The following SGCD variants were observed in gnomAD, a reference collection of about 807,000 sequenced individuals.
SGCD encodes delta-sarcoglycan.
A neutral mutation model predicts 36.6 loss-of-function variants in SGCD; 18 were observed. The ratio of observed to expected loss-of-function variants is 0.49; its 90% CI spans 0.34 to 0.73. The LOEUF (loss-of-function observed/expected upper bound fraction) is 0.73. SGCD is among the 30% of genes least tolerant of loss of function. The pLI, the probability that SGCD is intolerant of heterozygous loss-of-function variation, is 0.01. For missense variants in SGCD, 387 were observed against 346.7 expected, an observed-to-expected ratio of 1.12 and a Z score of -0.92; for synonymous variants, 133 against 130.6, an observed-to-expected ratio of 1.02 and a Z score of -0.12.
At chr5:156,396,328 G>C (rs972152801) in intron 3 of SGCD, among the ~76,000 whole-genome samples, 1 of 152,208 alleles carries the variant, frequency 6.6e-6, no homozygotes, top group Non-Finnish European at 1.5e-5. Flanking sequence ...AAAATATTTC[G>C]ACTGCAATTG....
At chr5:156,264,733 G>T (rs1036013024) in intron 3 of SGCD, among the ~76,000 whole-genome samples, 1 of 152,110 alleles carries the variant, frequency 6.6e-6, no homozygotes, top group Non-Finnish European at 1.5e-5. Context: ...AACCACAACA[G>T]TTTGGGCATG....
rs534832290 is a variant in SGCD, at chr5:156,472,844, A to C, written c.193-35757A>C. On this transcript the variant is annotated intron_variant, in intron 3 of 8. Transcript: ENST00000337851. ...TACAGATAAAACTAATCTATGTGAT[A>C]AAAGAGAAATGTTTGTCTATGGGAT... 2.0e-5 allele frequency among the ~76,000 whole-genome samples: 3 copies of C among 152,348 alleles called. No homozygotes were observed. The East Asian group carries it at 5.8e-4, about 29-fold the overall frequency.
At chr5:156,183,419 C>A (rs553524647) in intron 3 of SGCD, among the ~76,000 whole-genome samples, 1 of 152,004 alleles carries the variant, frequency 6.6e-6, no homozygotes, top group South Asian at 2.1e-4. Context: ...CTAATATTAT[C>A]TTTTTTGAGA....
intron 3 of SGCD, among the ~76,000 whole-genome samples, chr5:156,314,188 G>T (rs1468767929): frequency 6.6e-6 from 1 of 151,984 alleles, no homozygotes; most frequent in Admixed American, 6.6e-5. Context: ...CACTGTATTG[G>T]TGAGGTTTAT....
intron 4 of SGCD, among the ~76,000 whole-genome samples, chr5:156,561,823 T>G (rs575962608): frequency 6.6e-6 from 1 of 152,330 alleles, no homozygotes; most frequent in South Asian, 2.1e-4. Context: ...AATTTGGGTT[T>G]AAATCCCAAC....
chr5:156,031,249 G>A (rs1475959990), intron 1 of SGCD, among the ~76,000 whole-genome samples: 2 of 152,182 alleles, frequency 1.3e-5, no homozygotes, highest in African/African-American at 2.4e-5. Flanking sequence ...CAAGTTCTCA[G>A]GTGATATTGA....
chr5:156,048,499 T>C (rs921537394), intron 1 of SGCD, among the ~76,000 whole-genome samples: 5 of 152,246 alleles, frequency 3.3e-5, no homozygotes, highest in African/African-American at 1.2e-4. Context: ...TTCCTGACTT[T>C]TTAATGATTG....
At chr5:156,385,225 CTTCA>C (rs1038606839) in intron 3 of SGCD, among the ~76,000 whole-genome samples, 24 of 152,310 alleles carry the variant, frequency 1.6e-4, no homozygotes, top group African/African-American at 5.8e-4. Flanking sequence ...TCTTTTCTAG[CTTCA>C]TTTTCTCTTT....
intron 1 of SGCD, among the ~76,000 whole-genome samples, chr5:155,901,620 A>G (rs892842076): frequency 2.0e-5 from 3 of 152,148 alleles, no homozygotes; most frequent in Admixed American, 1.3e-4. Context: ...CTCTTTTTAT[A>G]AAGACACGTG....
chr5:155,730,076 T>A, the SGCD span, among the ~76,000 whole-genome samples: 1 of 152,196 alleles, frequency 6.6e-6, no homozygotes, highest in African/African-American at 2.4e-5. Context: ...ATACACGTGT[T>A]GTGTGCGAGT....
At chr5:156,546,693 G>A (rs750622210) in intron 4 of SGCD, among the ~76,000 whole-genome samples, 1 of 152,176 alleles carries the variant, frequency 6.6e-6, no homozygotes, top group South Asian at 2.1e-4. Context: ...CCTTGAAAAT[G>A]TGTGAAATAT....
chr5:156,644,665 G>T (rs1325200987), intron 6 of SGCD, among the ~76,000 whole-genome samples: 34 of 151,676 alleles, frequency 2.2e-4, no homozygotes, highest in Non-Finnish European at 1.8e-4. Context: ...AGATAAGATT[G>T]TACACCTCAT....
chr5:156,457,857 A>G (rs1754325504), intron 3 of SGCD, among the ~76,000 whole-genome samples: 1 of 152,176 alleles, frequency 6.6e-6, no homozygotes, highest in Non-Finnish European at 1.5e-5. Context: ...GGATATGTGT[A>G]TGCAAGTGAT....
intron 1 of SGCD, among the ~76,000 whole-genome samples, chr5:156,073,840 A>G (rs1260491073): frequency 1.3e-5 from 2 of 152,228 alleles, no homozygotes; most frequent in East Asian, 1.9e-4. Context: ...AAAGTCCCAT[A>G]TGTTCAGTTG....
At chr5:156,597,149 G>A (rs76814622) in intron 6 of SGCD, among the ~76,000 whole-genome samples, 4 of 152,052 alleles carry the variant, frequency 2.6e-5, no homozygotes, top group African/African-American at 9.7e-5. Context: ...TGTAAAATTA[G>A]AGTTACCTAG....
rs112222293 is a variant in SGCD, at chr5:155,956,478, C to T, written c.-282+86054C>T. Among the ~76,000 whole-genome samples, 16 of 152,136 alleles carry T rather than the reference C, an allele frequency of 1.1e-4. 1 individual carries two copies. Among genetic ancestry groups the T allele is most frequent in the African/African-American group, 3.6e-4 (15 of 41,528 alleles). ...CTTGAGCTTGGGTAGATAATGTAGG[C>T]GCTGGCATTTATTTTCATCGTCCTG... On this transcript the variant is annotated intron_variant, in intron 1 of 9. Transcript: ENST00000517913.
chr5:156,533,375 T>C (rs1474865366), intron 4 of SGCD, among the ~76,000 whole-genome samples: 1 of 152,162 alleles, frequency 6.6e-6, no homozygotes, highest in Non-Finnish European at 1.5e-5. Context: ...CAAGGACCCA[T>C]GTGTGAATTT....
At chr5:156,110,897 T>A (rs1761766422) in intron 1 of SGCD, among the ~76,000 whole-genome samples, 1 of 152,168 alleles carries the variant, frequency 6.6e-6, no homozygotes, top group South Asian at 2.1e-4. Context: ...GTATCCAGAC[T>A]GCCAACTTAT....
At chr5:156,114,074 T>C (rs779094797) in intron 1 of SGCD, among the ~76,000 whole-genome samples, 6 of 152,116 alleles carry the variant, frequency 3.9e-5, no homozygotes, top group Non-Finnish European at 7.4e-5. Flanking sequence ...TAATGCTGGA[T>C]GCATATCATA....
Sources: allele counts gnomAD v4.1 joint callset (sites outside exome capture counted in the v4.1 genomes callset), GRCh38; gene constraint gnomAD v4.1.1; transcripts MANE v1.5; gene names NCBI Gene and HGNC (gene_info 2026-07-23, HGNC 2026-07-21).